Variants in GRIN1 observed in about 807,000 individuals in gnomAD.
The protein encoded by GRIN1 is glutamate ionotropic receptor NMDA type subunit 1.
A neutral mutation model predicts 103.0 loss-of-function variants in GRIN1; 38 were observed. The ratio of observed to expected loss-of-function variants is 0.37; its 90% CI spans 0.28 to 0.48. The LOEUF (loss-of-function observed/expected upper bound fraction) is 0.48. Ranked by LOEUF, GRIN1 falls within the 20% of genes least tolerant of loss-of-function variation. GRIN1 has a pLI of 0.98. For synonymous variants in GRIN1, 544 were observed against 532.7 expected (o/e 1.02, Z -0.29); for missense variants, 577 against 1,288.9 (o/e 0.45, Z 8.46).
At chr9:137,142,186 C>T (rs756283231) in intron 2 of GRIN1, 39 bp downstream of exon 2, 14 of 1,610,232 alleles carry the variant, frequency 8.7e-6, no homozygotes, top group Admixed American at 3.3e-5. Flanking sequence ...CGGCCCTCGG[C>T]CCCAGGGCAC....
chr9:137,166,534 C>T (rs1045540977), intron 19 of GRIN1, among the ~76,000 whole-genome samples: 1 of 152,250 alleles, frequency 6.6e-6, no homozygotes, highest in African/African-American at 2.4e-5. Flanking sequence ...GCACTGGAAG[C>T]GGGGCAGACC....
intron 1 of GRIN1, 146 bp from the exon 2 acceptor site, chr9:137,141,867 G>GC: frequency 3.5e-6 from 3 of 866,658 alleles, no homozygotes; most frequent in Non-Finnish European, 5.9e-6. Flanking sequence ...GTGCATCTGG[G>GC]CCTGGGCATG....
Position 137,162,303 on chromosome 9 carries a change from C to T in GRIN1, c.1751+13C>T, listed in dbSNP as rs770248563. 45 of 1,546,070 alleles carry T rather than the reference C, an allele frequency of 2.9e-5. 1 individual carries two copies. The South Asian group carries it at 4.4e-4, about 15-fold the overall frequency. On this transcript the variant is annotated intron_variant, in intron 12 of 19. Coordinates refer to ENST00000371561, the MANE Select transcript of GRIN1 (RefSeq NM_007327.4). ...TGGACCGCTTCAGGTGAGCGCGACC[C>T]GGGGCTCAGACACCTCCATCTGCGG...
intron 6 of GRIN1, 45 bp downstream of exon 6, chr9:137,157,082 G>T (rs1275976823): frequency 1.3e-6 from 2 of 1,527,814 alleles, no homozygotes; most frequent in African/African-American, 1.4e-5. Context: ...CTCTTGGGGA[G>T]GTGGGCGGGG....
chr9:137,139,621 C>G lies in GRIN1; in HGVS notation c.135C>G (p.Ala45=). The G allele has an allele frequency of 5.6e-6, 9 of 1,613,816 alleles. No individual in the cohort carries two copies. Among genetic ancestry groups the G allele is most frequent in the Non-Finnish European group, 7.6e-6 (9 of 1,179,992 alleles). The change falls in exon 1 of 20, where the codon GCC becomes GCG. Residue 45 remains alanine (A), a synonymous_variant. Transcript: ENST00000371561. The surrounding 1 kb of genome is among the most constrained non-coding windows in gnomAD (Gnocchi z 7.7). ...AGCACGAGCAGATGTTCCGCGAGGC[C>G]GTGAACCAGGCCAACAAGCGGCACG... ...TRKHEQMFRE[A]VNQANKRHGS... is the part of the protein sequence containing the mutation.
At chr9:137,153,801 G>A (rs1239114232) in intron 4 of GRIN1, among the ~76,000 whole-genome samples, 1 of 151,994 alleles carries the variant, frequency 6.6e-6, no homozygotes, top group Non-Finnish European at 1.5e-5. Context: ...CCACACACCC[G>A]CCAACATAAC....
chr9:137,139,832 C>G lies in GRIN1; in HGVS notation c.258+88C>G. The G allele has an allele frequency of 9.4e-7, 1 of 1,068,292 alleles. No individual in the cohort carries two copies. The highest frequency in any genetic ancestry group is 1.4e-6 in the Non-Finnish European group (1 of 693,810). 66.2% of individuals were successfully genotyped at this position (1,068,292 alleles called of 1,614,324 possible). ...AGTTTCATTCCATCCTTTCCGTGCC[C>G]CCTTCCTCCCTGTAAGACACCACCC... On this transcript the variant is annotated intron_variant, in intron 1 of 19. Transcript: ENST00000371561. The surrounding 1 kb of genome is among the most constrained non-coding windows in gnomAD (Gnocchi z 7.7).
intron 4 of GRIN1, among the ~76,000 whole-genome samples, chr9:137,153,085 G>A (rs1163799766): frequency 1.4e-5 from 2 of 145,200 alleles, no homozygotes; most frequent in Non-Finnish European, 3.0e-5. Context: ...CACACCACGT[G>A]TACACACATG....
chr9:137,155,489 A>C (rs1833162933), intron 4 of GRIN1, among the ~76,000 whole-genome samples: 1 of 152,254 alleles, frequency 6.6e-6, no homozygotes, highest in Admixed American at 6.5e-5. Flanking sequence ...AACTGGGGGC[A>C]GATCCCTCCT....
intron 2 of GRIN1, among the ~76,000 whole-genome samples, chr9:137,144,458 T>C (rs888121662): frequency 6.6e-6 from 1 of 151,470 alleles, no homozygotes; most frequent in Admixed American, 6.6e-5. Flanking sequence ...ATCGAGACCA[T>C]CCTGGCTAAT....
chr9:137,157,979 C>T (rs890894140), intron 6 of GRIN1, among the ~76,000 whole-genome samples: 2 of 152,224 alleles, frequency 1.3e-5, no homozygotes, highest in Non-Finnish European at 2.9e-5. Flanking sequence ...GACAGGACAG[C>T]CTGGTGGTTA....
chr9:137,156,536 G>A lies in GRIN1; in HGVS notation c.672-133G>A, dbSNP rs368570110. ...GTTCTGGGCCGCAGCGCCTCTGCGA[G>A]GTCTGCAGGCTTCGCTCTAGGAGGG... On this transcript the variant is annotated intron_variant, in intron 4 of 19. Transcript: ENST00000371561. The A allele has an allele frequency of 2.2e-4, 284 of 1,309,244 alleles. 4 individuals carry two copies. In the East Asian group the frequency reaches 4.8e-3, roughly 22 times the overall value. The allele number at this position is 1,309,244 out of a possible 1,614,324, so 81.1% of individuals were successfully genotyped here. A position where few individuals can be genotyped will look rare whatever the true frequency, so the allele number is the denominator to read the frequency against.
chr9:137,166,080 A>G (rs1310526867), intron 19 of GRIN1, among the ~76,000 whole-genome samples: 1 of 152,052 alleles, frequency 6.6e-6, no homozygotes, highest in African/African-American at 2.4e-5. Flanking sequence ...GAGAATGGGT[A>G]GGGGCGGCCC....
At chr9:137,147,575 C>G (rs1050027285) in intron 3 of GRIN1, among the ~76,000 whole-genome samples, 4 of 152,264 alleles carry the variant, frequency 2.6e-5, no homozygotes, top group Admixed American at 6.5e-5. Context: ...GTGGACTAAC[C>G]CTCCCATGCT....
chr9:137,152,437 G>C (rs750943819), intron 4 of GRIN1, among the ~76,000 whole-genome samples: 2 of 152,162 alleles, frequency 1.3e-5, no homozygotes, highest in Non-Finnish European at 2.9e-5. Context: ...CAATAGACAA[G>C]TTCACATCAA....
At chr9:137,156,470 C>G (rs1443660482) in intron 4 of GRIN1, among the ~76,000 whole-genome samples, 199 bp from the exon 5 acceptor site, 1 of 152,194 alleles carries the variant, frequency 6.6e-6, no homozygotes, top group African/African-American at 2.4e-5. Context: ...CCCTGCTCCC[C>G]CAAGGTAAGA....
intron 18 of GRIN1, chr9:137,164,194 C>T: frequency 2.1e-6 from 1 of 484,696 alleles, no homozygotes; most frequent in Non-Finnish European, 3.8e-6. Context: ...GTACCCATTC[C>T]ATAGGAAGGC....
At chr9:137,157,904 C>T (rs1307751792) in intron 6 of GRIN1, among the ~76,000 whole-genome samples, 1 of 152,240 alleles carries the variant, frequency 6.6e-6, no homozygotes, top group Non-Finnish European at 1.5e-5. Context: ...ACATAGGGAT[C>T]ACGTGTGCAC....
At position 137,142,105 on chromosome 9, in the gene GRIN1, C is replaced by T. The variant is rs772616726; in HGVS notation, c.351C>T (p.Pro117=). ...ACACAGCCGGCTTCTACCGCATACC[C>T]GTGCTGGGGCTGACCACCCGCATGT... The part of the protein sequence containing the change: ...VSYTAGFYRI[P]VLGLTTRMSI... The change falls in exon 2 of 20, where the codon CCC becomes CCT. Residue 117 remains proline, a synonymous_variant. Coordinates refer to ENST00000371561, the MANE Select transcript of GRIN1 (RefSeq NM_007327.4). 9.9e-6 allele frequency: 16 copies of T among 1,614,096 alleles called. No homozygotes were observed. The highest frequency in any genetic ancestry group is 1.3e-5 in the African/African-American group (1 of 74,948).
Sources: allele counts gnomAD v4.1 joint callset (sites outside exome capture counted in the v4.1 genomes callset), GRCh38; gene constraint gnomAD v4.1.1; non-coding constraint Gnocchi (gnomAD v3.1); transcripts MANE v1.5; gene names NCBI Gene and HGNC (gene_info 2026-07-23, HGNC 2026-07-21).